CEP170B: variants seen among roughly 807,000 people sequenced by gnomAD.
CEP170B encodes centrosomal protein 170B, also known as centrosomal protein of 170 kDa protein B.
In CEP170B, 55 loss-of-function variants were observed where a neutral mutation model predicts 120.6. The observed-to-expected ratio is 0.46, with a 90% CI of 0.37 to 0.57. The LOEUF (loss-of-function observed/expected upper bound fraction) is 0.57, where lower values mean the gene tolerates loss of function less well. CEP170B is among the 20% of genes least tolerant of loss of function. CEP170B has a pLI of 0.00. For missense variants in CEP170B, 2,212 were observed against 2,253.3 expected (o/e 0.98, Z 0.37); for synonymous variants, 1,033 against 954.5 (o/e 1.08, Z -1.52).
In CEP170B at chr14:104,884,098, C is replaced by T. The variant is rs1012791679; in HGVS notation, c.1319C>T (p.Pro440Leu). The change falls in exon 9 of 19, where the codon CCG (proline) becomes CTG (leucine). Residue 440 changes from proline to leucine, a missense_variant. Pro to Leu is a moderately conservative substitution (Grantham distance 98). Around this residue, in one of 2 missense-constraint regions of CEP170B, gnomAD observed 2,166 missense variants for 2,166.7 expected, o/e 1.00. Coordinates refer to ENST00000414716, the MANE Select transcript of CEP170B (RefSeq NM_001112726.3). ...PKADKRRGPT[P>L]ADRDRPSVPA... Reference sequence around the variant, plus strand: ...GCCGACAAGCGCCGTGGCCCAACGCCGGCCGATAGGGACCGCCCCAGTGTC... The same window carrying T: ...GCCGACAAGCGCCGTGGCCCAACGCTGGCCGATAGGGACCGCCCCAGTGTC... The T allele has an allele frequency of 3.4e-5, 54 of 1,585,572 alleles. No individual in the cohort carries two copies. The highest frequency in any genetic ancestry group is 6.9e-5 in the East Asian group (3 of 43,608).
At chr14:104,890,140 G>A (rs1182460147) in intron 13 of CEP170B, among the ~76,000 whole-genome samples, 1 of 97,040 alleles carries the variant, frequency 1.0e-5, no homozygotes, top group Non-Finnish European at 2.1e-5. Flanking sequence ...GAGGGTGGGT[G>A]GGTGGATGGA....
intron 2 of CEP170B, among the ~76,000 whole-genome samples, chr14:104,875,623 C>A (rs1895803908): frequency 6.6e-6 from 1 of 152,088 alleles, no homozygotes; most frequent in Non-Finnish European, 1.5e-5. Context: ...AGCAGCCGTG[C>A]TCGCAGCGCT....
At chr14:104,877,076 C>T (rs1426916476) in intron 3 of CEP170B, among the ~76,000 whole-genome samples, 2 of 152,128 alleles carry the variant, frequency 1.3e-5, no homozygotes, top group Non-Finnish European at 1.5e-5. Context: ...TTACTGCACT[C>T]TGCAGTCCTG....
chr14:104,892,265 C>T (rs576214273), intron 13 of CEP170B, among the ~76,000 whole-genome samples: 1 of 152,248 alleles, frequency 6.6e-6, no homozygotes, highest in South Asian at 2.1e-4. Context: ...CTGGGAGCTG[C>T]TCACGGGCCC....
chr14:104,887,203 C>T lies in CEP170B; in HGVS notation c.2964C>T (p.Ser988=). The stretch of plus-strand genomic sequence containing the variant: ...GGGCACAGAAGGAGATGTCGCCATC[C>T]CCGCCAGCTGCACAGGACCCGGGAG... ...PLRAQKEMSP[S]PPAAQDPGGT... is the part of the protein sequence containing the mutation. The change falls in exon 12 of 19, where the codon TCC becomes TCT. Residue 988 remains serine (S), a synonymous_variant. Coordinates refer to ENST00000414716, the MANE Select transcript of CEP170B (RefSeq NM_001112726.3). 2 of 1,606,012 alleles carry T rather than the reference C, an allele frequency of 1.2e-6. No individual in the cohort carries two copies. Among genetic ancestry groups the T allele is most frequent in the Non-Finnish European group, 8.5e-7 (1 of 1,179,692 alleles).
intron 8 of CEP170B, among the ~76,000 whole-genome samples, 158 bp from the exon 9 acceptor site, chr14:104,883,673 G>C (rs558612992): frequency 1.5e-4 from 23 of 152,326 alleles, no homozygotes; most frequent in Non-Finnish European, 3.1e-4. Flanking sequence ...GTCCGGTCCT[G>C]CGTCTTCCCG....
chr14:104,871,496 C>T (rs1031875019), intron 2 of CEP170B, among the ~76,000 whole-genome samples: 23 of 152,038 alleles, frequency 1.5e-4, no homozygotes. Context: ...GCCCTGGAAC[C>T]TCCACACCCT....
chr14:104,868,348 G>A lies in CEP170B; in HGVS notation c.-27-76G>A, dbSNP rs905176126. The A allele has an allele frequency of 1.9e-6, 2 of 1,041,168 alleles. No individual in the cohort carries two copies. Among genetic ancestry groups the A allele is most frequent in the African/African-American group, 1.6e-5 (1 of 63,154 alleles). 64.5% of individuals were successfully genotyped at this position (1,041,168 alleles called of 1,614,324 possible). On this transcript the variant is annotated intron_variant, in intron 1 of 18. Coordinates refer to ENST00000414716, the MANE Select transcript of CEP170B (RefSeq NM_001112726.3). The surrounding 1 kb of genome is among the most constrained non-coding windows in gnomAD (Gnocchi z 5.9). Reference sequence around the variant, plus strand: ...GCTTCCCTTAGAGGGTCAGGATCTGGGCTGGGCCTTGGATGTGTCCAGGGG... The same window carrying A: ...GCTTCCCTTAGAGGGTCAGGATCTGAGCTGGGCCTTGGATGTGTCCAGGGG...
intron 14 of CEP170B, 78 bp downstream of exon 14, chr14:104,893,213 G>C: frequency 6.9e-7 from 1 of 1,451,552 alleles, no homozygotes; most frequent in Non-Finnish European, 9.2e-7. Flanking sequence ...ACAGCCCTTT[G>C]CATGCCTCGG....
Position 104,883,248 on chromosome 14 carries a change from A to G in CEP170B, c.791A>G (p.Gln264Arg), listed in dbSNP as rs2140688426. The G allele has an allele frequency of 1.2e-6, 2 of 1,611,312 alleles. No individual in the cohort carries two copies. Among genetic ancestry groups the G allele is most frequent in the Non-Finnish European group, 8.5e-7 (1 of 1,179,552 alleles). ...GGGGGCGGAGCGGCCCCTGTGGTGC[A>G]GAGCCACGCCTCCTTCACCATCGAG... is the stretch of plus-strand genomic sequence containing the variant. Reference protein sequence around the residue: ...AGGGGAAPVVQSHASFTIEFD... With the variant: ...AGGGGAAPVVRSHASFTIEFD... The change falls in exon 8 of 19, where the codon CAG (glutamine) becomes CGG (arginine). Residue 264 changes from glutamine to arginine, a missense_variant. Coordinates refer to ENST00000414716, the MANE Select transcript of CEP170B (RefSeq NM_001112726.3).
intron 5 of CEP170B, among the ~76,000 whole-genome samples, chr14:104,879,600 A>G (rs1334724780): frequency 6.6e-6 from 1 of 152,030 alleles, no homozygotes; most frequent in African/African-American, 2.4e-5. Context: ...GGAGCCCCTC[A>G]GGAGGTAACA....
At chr14:104,876,113 G>T in intron 2 of CEP170B, 143 bp from the exon 3 acceptor site, 1 of 735,240 alleles carries the variant, frequency 1.4e-6, no homozygotes, top group South Asian at 1.7e-5. Context: ...TCTGGAGACA[G>T]GGTGGGCACA....
At chr14:104,890,131 AGGGT>A (rs1434719353) in intron 13 of CEP170B, among the ~76,000 whole-genome samples, 62 of 13,630 alleles carry the variant, frequency 4.5e-3, no homozygotes, top group African/African-American at 0.02. Flanking sequence ...GATGGATGGG[AGGGT>A]GGGTGGGTGG....
rs2841242 is a variant in CEP170B at position 104,893,306 on chromosome 14, C to G, written c.4038+171C>G. 2.0e-3 allele frequency among the ~76,000 whole-genome samples: 300 copies of G among 152,378 alleles called. 2 individuals are homozygous for G. The highest frequency in any genetic ancestry group is 7.0e-3 in the African/African-American group (290 of 41,592). On this transcript the variant is annotated intron_variant, in intron 14 of 18. Coordinates refer to ENST00000414716, the MANE Select transcript of CEP170B (RefSeq NM_001112726.3). ...CGCCCCAAACGGCCACCGGAGAGCTCGAGGTCTGGGGCGCTCGTGGCACCT... is the reference window on the plus strand; with the variant it reads ...CGCCCCAAACGGCCACCGGAGAGCTGGAGGTCTGGGGCGCTCGTGGCACCT...
Position 104,884,326 on chromosome 14 carries a change from G to A in CEP170B, c.1547G>A (p.Arg516Gln), listed in dbSNP as rs750666951. The A allele has an allele frequency of 2.7e-5, 42 of 1,543,016 alleles. No homozygotes were observed. Among genetic ancestry groups the A allele is most frequent in the South Asian group, 2.3e-4 (19 of 83,628 alleles). The change falls in exon 9 of 19, where the codon CGG becomes CAG. Residue 516 changes from arginine (R) to glutamine (Q), a missense_variant. By Grantham distance (43) the Arg-to-Gln change is conservative (BLOSUM62 1). This residue lies in a region of CEP170B where 2,166 missense variants were observed against 2,166.7 expected (regional missense o/e 1.00). Transcript: ENST00000414716. ...QCLRESSPAA[R>Q]PSPEKVPPVL... ...CTGCGGGAGAGCTCCCCGGCCGCCC[G>A]GCCCAGCCCCGAGAAGGTTCCTCCG... is the stretch of plus-strand genomic sequence containing the variant.
intron 2 of CEP170B, among the ~76,000 whole-genome samples, chr14:104,872,144 C>CCGTGTGTGTGCGTGTGTGCCG (rs1245954466): frequency 2.4e-4 from 34 of 144,472 alleles, no homozygotes; most frequent in African/African-American, 7.0e-4. Flanking sequence ...CGTGTGTGTG[C>CCGTGTGTGTGCGTGTGTGCCG]CGTGTGTGTG....
At position 104,893,595 on chromosome 14, in the gene CEP170B, T is replaced by A. The variant is rs1333711273; in HGVS notation, c.4111T>A (p.Phe1371Ile). 1 of 1,603,470 alleles carries A rather than the reference T, an allele frequency of 6.2e-7. No homozygotes were observed. The highest frequency in any genetic ancestry group is 1.7e-5 in the Admixed American group (1 of 58,852). ...GCCCGGCTCGCTGAACTCTCGGGAC[T>A]TTGACCAGAACATGAACGACAGCTG... is the stretch of plus-strand genomic sequence containing the variant. ...VPPGSLNSRD[F>I]DQNMNDSCED... is the part of the protein sequence containing the mutation. The change falls in exon 15 of 19, where the codon TTT becomes ATT. Residue 1371 changes from phenylalanine to isoleucine, a missense_variant. Transcript: ENST00000414716.
chr14:104,877,741 A>G, intron 3 of CEP170B, 144 bp from the exon 4 acceptor site: 1 of 641,126 alleles, frequency 1.6e-6, no homozygotes. Flanking sequence ...ACAGGCCATC[A>G]CTCGCCGTGG....
intron 12 of CEP170B, among the ~76,000 whole-genome samples, chr14:104,889,012 G>C (rs929246009): frequency 6.6e-6 from 1 of 152,252 alleles, no homozygotes; most frequent in African/African-American, 2.4e-5. Flanking sequence ...GCAGGGGCTG[G>C]TGAGGAGGCC....
Sources: allele counts gnomAD v4.1 joint callset (sites outside exome capture counted in the v4.1 genomes callset), GRCh38; gene constraint gnomAD v4.1.1; regional missense constraint gnomAD v4.1.1; non-coding constraint Gnocchi (gnomAD v3.1); transcripts MANE v1.5; gene names NCBI Gene and HGNC (gene_info 2026-07-23, HGNC 2026-07-21).